The following UBE4A variants were observed in gnomAD, a reference collection of about 807,000 sequenced individuals.
The protein encoded by UBE4A is ubiquitin conjugation factor E4 A.
In UBE4A, 48 loss-of-function variants were observed where a neutral mutation model predicts 117.9. The ratio of observed to expected loss-of-function variants is 0.41; its 90% CI spans 0.32 to 0.52. The LOEUF (loss-of-function observed/expected upper bound fraction) is 0.52. Among genes scored for constraint, UBE4A ranks in the 20% least tolerant of loss-of-function variants. The pLI is 0.33. For missense variants in UBE4A, 1,067 were observed against 1,296.3 expected (o/e 0.82, Z 2.72); for synonymous variants, 407 against 450.0 (o/e 0.90, Z 1.21).
At chr11:118,393,017 A>T (rs546609446) in intron 19 of UBE4A, 122 bp downstream of exon 19, 234 of 997,232 alleles carry the variant, frequency 2.3e-4, no homozygotes, top group Non-Finnish European at 3.0e-4. Flanking sequence ...TGATTTACTG[A>T]TATGTTGGAA....
At chr11:118,384,968 A>AG (rs1491470570) in intron 15 of UBE4A, 23 bp downstream of exon 15, 2 of 1,358,456 alleles carry the variant, frequency 1.5e-6, no homozygotes, top group African/African-American at 2.9e-5. Flanking sequence ...AAAAAAAAAA[A>AG]GATTTAACTT....
At chr11:118,392,634 G>A (rs1282458583) in intron 18 of UBE4A, 104 bp from the exon 19 acceptor site, 22 of 1,119,208 alleles carry the variant, frequency 2.0e-5, no homozygotes, top group Non-Finnish European at 2.4e-5. Flanking sequence ...GGTTATTAAT[G>A]ACCTGTTTTT....
chr11:118,363,807 G>A (rs1321273527), intron 1 of UBE4A, among the ~76,000 whole-genome samples: 1 of 151,920 alleles, frequency 6.6e-6, no homozygotes, highest in African/African-American at 2.4e-5. Flanking sequence ...TAGTAGAGAT[G>A]GGGTTTCACC....
In UBE4A at chr11:118,379,690, C is replaced by G; in HGVS notation, c.1816C>G (p.Gln606Glu). The change falls in exon 11 of 20, where the codon CAG (glutamine) becomes GAG (glutamate). Residue 606 changes from glutamine (Q) to glutamate (E), a missense_variant. Transcript: ENST00000252108. ...ACTGGCCATAGGCAATGAGGGCTCA[C>G]AGCCAATAGAGCTAACCTTTCCTTT... is the stretch of plus-strand genomic sequence containing the variant. ...VQLAIGNEGS[Q>E]PIELTFPLPD... The G allele has an allele frequency of 6.2e-7, 1 of 1,614,236 alleles. No individual in the cohort carries two copies. The highest frequency in any genetic ancestry group is 8.5e-7 in the Non-Finnish European group (1 of 1,180,028).
At chr11:118,361,610 AAGAT>A (rs1948521832) in intron 1 of UBE4A, among the ~76,000 whole-genome samples, 1 of 152,208 alleles carries the variant, frequency 6.6e-6, no homozygotes, top group African/African-American at 2.4e-5. Flanking sequence ...AGCTTAGTGA[AAGAT>A]AGGTGAGAAC....
chr11:118,375,202 C>G lies in UBE4A; in HGVS notation c.1423C>G (p.Arg475Gly), dbSNP rs1555125191. The G allele has an allele frequency of 6.2e-7, 1 of 1,608,122 alleles. No individual in the cohort carries two copies. The highest frequency in any genetic ancestry group is 8.5e-7 in the Non-Finnish European group (1 of 1,176,336). ...CCTCAAGGAGTTGAATGATGAAGAACGAAAAATTAAAAATGTACACATGAG... is the reference window on the plus strand; with the variant it reads ...CCTCAAGGAGTTGAATGATGAAGAAGGAAAAATTAAAAATGTACACATGAG... ...CALKELNDEE[R>G]KIKNVHMRGL... The change falls in exon 9 of 20, where the codon CGA (arginine) becomes GGA (glycine). Residue 475 changes from arginine to glycine, a missense_variant. Physicochemically the swap from Arg to Gly is moderately radical, Grantham distance 125 (BLOSUM62 -2). Around this residue, in one of 3 missense-constraint regions of UBE4A, gnomAD observed 1,001 missense variants for 1,184.0 expected, o/e 0.85. Coordinates refer to ENST00000252108, the MANE Select transcript of UBE4A (RefSeq NM_001204077.2).
At chr11:118,386,363 A>T in intron 15 of UBE4A, 75 bp from the exon 16 acceptor site, 1 of 1,505,874 alleles carries the variant, frequency 6.6e-7, no homozygotes, top group South Asian at 1.3e-5. Flanking sequence ...TGGATTTTGA[A>T]TAGGACCTCT....
At chr11:118,390,606 C>A in intron 17 of UBE4A, 51 bp from the exon 18 acceptor site, 1 of 1,411,298 alleles carries the variant, frequency 7.1e-7, no homozygotes, top group Non-Finnish European at 9.3e-7. Context: ...ATTGTCTCTT[C>A]CATTGACCAA....
chr11:118,383,818 G>GT (rs1369030395), intron 13 of UBE4A, among the ~76,000 whole-genome samples: 6 of 151,776 alleles, frequency 4.0e-5, no homozygotes, highest in African/African-American at 1.2e-4. Context: ...TTGGATTCTG[G>GT]TTTTTTTTAA....
intron 19 of UBE4A, among the ~76,000 whole-genome samples, chr11:118,394,488 G>A (rs906207800): frequency 1.3e-5 from 2 of 151,924 alleles, no homozygotes; most frequent in Non-Finnish European, 2.9e-5. Flanking sequence ...AAGTTATATC[G>A]AGCCAGGCAC....
Position 118,376,575 on chromosome 11 carries a change from T to C in UBE4A, c.1452T>C (p.Gly484=). The C allele has an allele frequency of 6.2e-7, 1 of 1,613,124 alleles. No homozygotes were observed. Among genetic ancestry groups the C allele is most frequent in the Non-Finnish European group, 8.5e-7 (1 of 1,179,734 alleles). ...TTTTTTTTTTTTAACTTCTTTGAGG[T>C]TTGGACAAAGAAACCTGTTTGATCC... The part of the protein sequence containing the change: ...ERKIKNVHMR[G]LDKETCLIPA... The change falls in exon 10 of 20, where the codon GGT becomes GGC. Residue 484 remains glycine, a splice_region_variant and synonymous_variant. Coordinates refer to ENST00000252108, the MANE Select transcript of UBE4A (RefSeq NM_001204077.2).
chr11:118,392,673 C>G (rs2276422), intron 18 of UBE4A, 65 bp from the exon 19 acceptor site: 119,648 of 1,512,138 alleles, frequency 0.079, 4,910 homozygotes, highest in Admixed American at 0.087. Flanking sequence ...CTTGCTCTGT[C>G]ATTGAGCACG....
At position 118,398,871 on chromosome 11, in the gene UBE4A, A is replaced by G. The variant is rs1162409024; in HGVS notation, c.*2431A>G. The G allele has an allele frequency of 1.1e-5, 2 of 182,052 alleles. No homozygotes were observed. Among genetic ancestry groups the G allele is most frequent in the African/African-American group, 4.8e-5 (2 of 42,084 alleles). The allele number at this position is 182,052 out of a possible 1,614,324, so 11.3% of individuals were successfully genotyped here. ...TAAAGGTTTTTTAATGGTGCAAGTG[A>G]AGGTGCCAGTTGCTATTTGATATCA... On this transcript the variant is annotated 3_prime_UTR_variant, in exon 20 of 20. Transcript: ENST00000252108.
chr11:118,382,844 C>T lies in UBE4A; in HGVS notation c.2197+68C>T, dbSNP rs565675465. On this transcript the variant is annotated intron_variant, in intron 13 of 19. Coordinates refer to ENST00000252108, the MANE Select transcript of UBE4A (RefSeq NM_001204077.2). ...ACCAGTGGAGTTTCATAGTTTGATC[C>T]GTATTTGGATATCAAAGAAATGTCA... 19 of 1,366,208 alleles carry T rather than the reference C, an allele frequency of 1.4e-5. No individual in the cohort carries two copies. The East Asian group carries it at 2.1e-4, about 15-fold the overall frequency. The allele number at this position is 1,366,208 out of a possible 1,614,324, so 84.6% of individuals were successfully genotyped here.
At chr11:118,361,659 A>G (rs1276165334) in intron 1 of UBE4A, among the ~76,000 whole-genome samples, 1 of 152,176 alleles carries the variant, frequency 6.6e-6, no homozygotes, top group Admixed American at 6.6e-5. Flanking sequence ...AGATGACAAC[A>G]GAGACTTATT....
chr11:118,361,426 T>G (rs2134082667), intron 1 of UBE4A, among the ~76,000 whole-genome samples: 1 of 152,350 alleles, frequency 6.6e-6, no homozygotes, highest in South Asian at 2.1e-4. Context: ...CTGGGTACTC[T>G]TACTTTGGTA....
chr11:118,389,020 T>G (rs376498392), intron 16 of UBE4A, among the ~76,000 whole-genome samples: 6 of 152,262 alleles, frequency 3.9e-5, no homozygotes, highest in African/African-American at 1.4e-4. Flanking sequence ...CTGGGCACAG[T>G]GGCTCACGCC....
In UBE4A at chr11:118,386,676, G is replaced by T. The variant is rs1289712938; in HGVS notation, c.2587+64G>T. ...TGGCCAAGATCAGCTTCACTTGGGG[G>T]ATCAGCCCAGCTGAAACTAAGAATT... On this transcript the variant is annotated intron_variant, in intron 16 of 19. Coordinates refer to ENST00000252108, the MANE Select transcript of UBE4A (RefSeq NM_001204077.2). 2.1e-6 allele frequency: 3 copies of T among 1,455,500 alleles called. No homozygotes were observed. The African/African-American group carries it at 4.4e-5, about 21-fold the overall frequency. The allele number at this position is 1,455,500 out of a possible 1,614,324, so 90.2% of individuals were successfully genotyped here.
At chr11:118,383,268 A>G (rs1458454509) in intron 13 of UBE4A, among the ~76,000 whole-genome samples, 1 of 152,108 alleles carries the variant, frequency 6.6e-6, no homozygotes, top group Non-Finnish European at 1.5e-5. Flanking sequence ...CAGACTATCT[A>G]ACTCTCCAAC....
Sources: allele counts gnomAD v4.1 joint callset (sites outside exome capture counted in the v4.1 genomes callset), GRCh38; gene constraint gnomAD v4.1.1; regional missense constraint gnomAD v4.1.1; transcripts MANE v1.5; gene names NCBI Gene and HGNC (gene_info 2026-07-23, HGNC 2026-07-21).